TMPRSS11F: variants seen among roughly 807,000 people sequenced by gnomAD.
The protein encoded by TMPRSS11F is transmembrane protease serine 11F.
In TMPRSS11F, 47 loss-of-function variants were observed where a neutral mutation model predicts 60.2. The observed-to-expected ratio is 0.78, with a 90% CI of 0.62 to 1.00. The LOEUF is 1.00. TMPRSS11F is among the 50% of genes least tolerant of loss of function. The pLI, the probability that TMPRSS11F is intolerant of heterozygous loss-of-function variation, is 0.00. For missense variants in TMPRSS11F, 519 were observed against 522.9 expected, an observed-to-expected ratio of 0.99 and a Z score of 0.07; for synonymous variants, 166 against 167.3, an observed-to-expected ratio of 0.99 and a Z score of 0.06.
At chr4:68,073,109 A>G (rs752193370) in intron 4 of TMPRSS11F, among the ~76,000 whole-genome samples, 4 of 152,196 alleles carry the variant, frequency 2.6e-5, no homozygotes, top group Non-Finnish European at 4.4e-5. Context: ...AACCAGATGC[A>G]GAAGATCCAG....
At chr4:68,083,641 A>C (rs189682738) in intron 3 of TMPRSS11F, among the ~76,000 whole-genome samples, 2,112 of 152,056 alleles carry the variant, frequency 0.014, 37 homozygotes, top group African/African-American at 0.047. Flanking sequence ...AACAGCCAAA[A>C]TGTCAAGGGA....
Position 68,068,548 on chromosome 4 carries a change from T to A in TMPRSS11F, c.755+70A>T, listed in dbSNP as rs1293091512. On this transcript the variant is annotated intron_variant, in intron 7 of 9. Coordinates refer to ENST00000356291, the MANE Select transcript of TMPRSS11F (RefSeq NM_207407.2). ...GGTTAAACTGGAGAGACTGGACTCT[T>A]CTGATGCGCTAAATCAGTGGCAGAT... is the stretch of plus-strand genomic sequence containing the variant. 35 of 1,355,052 alleles carry A rather than the reference T, an allele frequency of 2.6e-5. No homozygotes were observed. In the Admixed American group the frequency reaches 5.7e-4, roughly 22 times the overall value. 83.9% of individuals were successfully genotyped at this position (1,355,052 alleles called of 1,614,324 possible). A position where few individuals can be genotyped will look rare whatever the true frequency, so the allele number is the denominator to read the frequency against.
chr4:68,059,036 G>A (rs1489210585), intron 9 of TMPRSS11F, among the ~76,000 whole-genome samples: 2 of 152,194 alleles, frequency 1.3e-5, no homozygotes, highest in Non-Finnish European at 2.9e-5. Flanking sequence ...ATTAAAAAAT[G>A]TGAGGGGCGA....
intron 2 of TMPRSS11F, among the ~76,000 whole-genome samples, chr4:68,091,747 A>ATCTCTCTCTCTCTC (rs372346277): frequency 5.7e-4 from 41 of 71,654 alleles, no homozygotes; most frequent in African/African-American, 1.6e-3. Context: ...TTAATCTCTA[A>ATCTCTCTCTCTCTC]TCTCTCTCTC....
chr4:68,065,447 G>A (rs1723305996), intron 7 of TMPRSS11F, among the ~76,000 whole-genome samples: 1 of 152,098 alleles, frequency 6.6e-6, no homozygotes, highest in African/African-American at 2.4e-5. Context: ...TGATATACAA[G>A]GGCTAACTAA....
At chr4:68,086,216 G>C (rs1284764762) in intron 3 of TMPRSS11F, among the ~76,000 whole-genome samples, 1 of 151,900 alleles carries the variant, frequency 6.6e-6, no homozygotes, top group Admixed American at 6.6e-5. Context: ...TCATTACCAA[G>C]AAGATATCTC....
chr4:68,081,189 G>A (rs1294274699), intron 3 of TMPRSS11F, among the ~76,000 whole-genome samples: 1 of 152,128 alleles, frequency 6.6e-6, no homozygotes, highest in East Asian at 1.9e-4. Flanking sequence ...AGAAAGTTTT[G>A]GAGTCAATAT....
At chr4:68,069,708 A>G (rs1341897513) in intron 6 of TMPRSS11F, among the ~76,000 whole-genome samples, 1 of 152,116 alleles carries the variant, frequency 6.6e-6, no homozygotes, top group Non-Finnish European at 1.5e-5. Flanking sequence ...TATAATGAAT[A>G]TTAATATAAT....
intron 4 of TMPRSS11F, 149 bp from the exon 5 acceptor site, chr4:68,072,635 A>T: frequency 4.3e-6 from 2 of 467,254 alleles, no homozygotes; most frequent in Non-Finnish European, 7.0e-6. Context: ...GAGATTAAAA[A>T]TGAGTGTATA....
rs767322579 is a variant in TMPRSS11F, at chr4:68,053,326, A to T, written c.*583T>A. The stretch of plus-strand genomic sequence containing the variant: ...GCTTGAGTTATAACACTGTGTTAAC[A>T]GCAAGTTCAGATACATTTAAAAACT... On this transcript the variant is annotated 3_prime_UTR_variant, in exon 10 of 10. Coordinates refer to ENST00000356291, the MANE Select transcript of TMPRSS11F (RefSeq NM_207407.2). 2 of 152,648 alleles carry T rather than the reference A, an allele frequency of 1.3e-5. No homozygotes were observed. The highest frequency in any genetic ancestry group is 2.9e-5 in the Non-Finnish European group (2 of 68,032). 9.5% of individuals were successfully genotyped at this position (152,648 alleles called of 1,614,324 possible). A position where few individuals can be genotyped will look rare whatever the true frequency, so the allele number is the denominator to read the frequency against.
intron 1 of TMPRSS11F, among the ~76,000 whole-genome samples, chr4:68,120,805 A>G (rs1256530571): frequency 6.6e-6 from 1 of 152,178 alleles, no homozygotes; most frequent in Admixed American, 6.5e-5. Context: ...GCAGCCATGA[A>G]TATTAAGGCA....
chr4:68,121,951 G>A (rs191955504), intron 1 of TMPRSS11F, among the ~76,000 whole-genome samples: 8 of 152,182 alleles, frequency 5.3e-5, no homozygotes, highest in Admixed American at 5.2e-4. Flanking sequence ...ATGCCAAGTG[G>A]CCTTATCATT....
At chr4:68,099,454 C>T (rs1408200010) in intron 1 of TMPRSS11F, among the ~76,000 whole-genome samples, 1 of 152,116 alleles carries the variant, frequency 6.6e-6, no homozygotes, top group Non-Finnish European at 1.5e-5. Flanking sequence ...TTACTAGCAC[C>T]TCCCAGTGAA....
At chr4:68,073,339 G>T (rs1362809290) in intron 4 of TMPRSS11F, among the ~76,000 whole-genome samples, 1 of 152,000 alleles carries the variant, frequency 6.6e-6, no homozygotes, top group Non-Finnish European at 1.5e-5. Flanking sequence ...ATTGTGATGT[G>T]CAGGGTTAAA....
intron 8 of TMPRSS11F, chr4:68,062,986 T>C (rs1164847308): frequency 2.9e-6 from 2 of 700,680 alleles, no homozygotes; most frequent in Non-Finnish European, 5.4e-6. Flanking sequence ...GAGACTGACA[T>C]GCGGATGTAC....
intron 3 of TMPRSS11F, among the ~76,000 whole-genome samples, chr4:68,082,376 G>C (rs147028765): frequency 6.6e-6 from 1 of 152,242 alleles, no homozygotes; most frequent in Non-Finnish European, 1.5e-5. Flanking sequence ...AGCAAAACAT[G>C]GCCACAGGAA....
intron 2 of TMPRSS11F, among the ~76,000 whole-genome samples, chr4:68,094,687 C>T (rs1445935277): frequency 6.6e-6 from 1 of 151,888 alleles, no homozygotes; most frequent in African/African-American, 2.4e-5. Flanking sequence ...GTGGATCCAG[C>T]CCTATAGAAC....
intron 3 of TMPRSS11F, among the ~76,000 whole-genome samples, chr4:68,085,399 G>A (rs1723791766): frequency 6.6e-6 from 1 of 151,894 alleles, no homozygotes; most frequent in Non-Finnish European, 1.5e-5. Context: ...AGCACCTGTT[G>A]TTTCCTGACT....
At chr4:68,112,395 A>G (rs918896472) in intron 1 of TMPRSS11F, among the ~76,000 whole-genome samples, 18 of 152,126 alleles carry the variant, frequency 1.2e-4, no homozygotes, top group African/African-American at 4.3e-4. Flanking sequence ...GTTAAAAGTG[A>G]CATCATTTTA....
Sources: gnomAD v4.1 joint callset for allele counts (sites outside exome capture counted in the v4.1 genomes callset) on GRCh38, gnomAD v4.1.1 for gene constraint, MANE v1.5 for transcripts, NCBI Gene and HGNC (gene_info 2026-07-23, HGNC 2026-07-21) for gene names.